Variants in PALLD observed in about 807,000 individuals in gnomAD.
PALLD encodes the protein palladin.
A neutral mutation model predicts 123.5 loss-of-function variants in PALLD; 61 were observed. That is an observed-to-expected ratio of 0.49 (90% CI 0.40 to 0.61). PALLD has a LOEUF of 0.61. Among genes scored for constraint, PALLD ranks in the 20% least tolerant of loss-of-function variants. The pLI is 0.00. For missense variants in PALLD, 1,273 were observed against 1,377.0 expected, an observed-to-expected ratio of 0.92 and a Z score of 1.20; for synonymous variants, 465 against 496.4, an observed-to-expected ratio of 0.94 and a Z score of 0.84.
chr4:168,877,826 C>CCCTTCCCGCCGCCGCCCG (rs1163850262), intron 10 of PALLD: 24 of 1,304,426 alleles, frequency 1.8e-5, no homozygotes, highest in African/African-American at 4.6e-5. Context: ...GCCCTCGCCC[C>CCCTTCCCGCCGCCGCCCG]CCTTCCCGCC....
rs370407616 is a variant in PALLD at position 168,660,246 on chromosome 4, C to T, written c.909-7944C>T. ...GGAAGTGACTGGTGGTTTTCAAGGA[C>T]AGCCATTTGGTCTGAAGCAGCTGCA... On this transcript the variant is annotated intron_variant, in intron 2 of 21. Transcript: ENST00000505667. Among the ~76,000 whole-genome samples, 21 of 152,234 alleles carry T rather than the reference C, an allele frequency of 1.4e-4. No homozygotes were observed. In the East Asian group the frequency reaches 2.9e-3, roughly 21 times the overall value.
chr4:168,911,346 T>A (rs1758907232), intron 15 of PALLD, among the ~76,000 whole-genome samples: 2 of 152,204 alleles, frequency 1.3e-5, no homozygotes, highest in Admixed American at 1.3e-4. Context: ...AATGATTAGT[T>A]CATTTTAACT....
At position 168,683,043 on chromosome 4, in the gene PALLD, A is replaced by G; in HGVS notation, c.1200A>G (p.Ser400=). 7 of 1,613,200 alleles carry G rather than the reference A, an allele frequency of 4.3e-6. No individual in the cohort carries two copies. The highest frequency in any genetic ancestry group is 5.9e-6 in the Non-Finnish European group (7 of 1,179,192). ...CTGTTTCCTTGACAATAGGATCATC[A>G]TCTCCAAAGACAGGGGTGACCACAG... ...TTSVSLTIGS[S]SPKTGVTTAV... Residue 400 remains serine (S), a synonymous_variant, in exon 5 of 22, where the codon TCA becomes TCG. Transcript: ENST00000505667.
chr4:168,900,008 C>T (rs1312123486), intron 14 of PALLD, among the ~76,000 whole-genome samples: 1 of 152,142 alleles, frequency 6.6e-6, no homozygotes, highest in South Asian at 2.1e-4. Flanking sequence ...TCTCCTGGTG[C>T]GGCCTCAGGA....
rs886059218 is a variant in PALLD, at chr4:168,928,335, AAG to A, written c.*2156_*2157del. 2 of 176,966 alleles carry A rather than the reference AAG, an allele frequency of 1.1e-5. No homozygotes were observed. Among genetic ancestry groups the A allele is most frequent in the African/African-American group, 5.2e-5 (2 of 38,536 alleles). 11.0% of individuals were successfully genotyped at this position (176,966 alleles called of 1,614,324 possible). A position where few individuals can be genotyped will look rare whatever the true frequency, so the allele number is the denominator to read the frequency against. On this transcript the variant is annotated 3_prime_UTR_variant, in exon 22 of 22. Transcript: ENST00000505667. ...CTTTATATTGTATTTATAAAAAAAA[AAG>A]TACTATCAATCAATCATACTACTTT...
At chr4:168,616,766 A>G (rs1369440289) in intron 2 of PALLD, among the ~76,000 whole-genome samples, 1 of 152,198 alleles carries the variant, frequency 6.6e-6, no homozygotes, top group Non-Finnish European at 1.5e-5. Context: ...ATTTTTAACA[A>G]GCTTCCCAGG....
chr4:168,580,812 C>A (rs574939476), intron 2 of PALLD, among the ~76,000 whole-genome samples: 8 of 152,030 alleles, frequency 5.3e-5, no homozygotes, highest in Admixed American at 4.6e-4. Flanking sequence ...GAGATCAAGT[C>A]CTTTGCAGGA....
intron 10 of PALLD, chr4:168,755,950 G>T (rs911060416): frequency 1.2e-5 from 2 of 166,560 alleles, no homozygotes; most frequent in Non-Finnish European, 1.3e-5. Context: ...TAGAACTCGG[G>T]CTCCTTGGAA....
At chr4:168,899,961 G>A (rs865858564) in intron 14 of PALLD, among the ~76,000 whole-genome samples, 32 of 152,068 alleles carry the variant, frequency 2.1e-4, no homozygotes, top group African/African-American at 7.7e-4. Flanking sequence ...CTGGCTCACA[G>A]TTCTGCATGG....
intron 2 of PALLD, among the ~76,000 whole-genome samples, chr4:168,642,217 A>C (rs1381518209): frequency 6.6e-6 from 1 of 152,114 alleles, no homozygotes; most frequent in African/African-American, 2.4e-5. Context: ...GTGTTTTATC[A>C]AGGAACAAGT....
intron 2 of PALLD, among the ~76,000 whole-genome samples, chr4:168,637,323 G>A (rs1161355224): frequency 6.6e-6 from 1 of 152,060 alleles, no homozygotes; most frequent in African/African-American, 2.4e-5. Context: ...TGGTGTACCA[G>A]TTAGTGTCTA....
chr4:168,847,953 C>CT (rs1335295410), intron 10 of PALLD, among the ~76,000 whole-genome samples: 1 of 152,192 alleles, frequency 6.6e-6, no homozygotes, highest in African/African-American at 2.4e-5. Context: ...TTCTGACACT[C>CT]TATTTCCCAA....
At chr4:168,561,346 C>G (rs1299493568) in intron 2 of PALLD, among the ~76,000 whole-genome samples, 1 of 152,140 alleles carries the variant, frequency 6.6e-6, no homozygotes, top group Admixed American at 6.5e-5. Flanking sequence ...ACTGTAGCCT[C>G]CACGTTCTAG....
intron 2 of PALLD, among the ~76,000 whole-genome samples, chr4:168,535,632 G>A (rs1765020097): frequency 2.0e-5 from 3 of 152,196 alleles, no homozygotes; most frequent in South Asian, 4.1e-4. Flanking sequence ...TATCACAATG[G>A]ATGGAAAGTG....
chr4:168,715,634 C>T (rs1294973154), intron 10 of PALLD, among the ~76,000 whole-genome samples: 2 of 152,138 alleles, frequency 1.3e-5, no homozygotes, highest in African/African-American at 4.8e-5. Flanking sequence ...AAAATCTCTG[C>T]TTCTCTTTAT....
chr4:168,770,935 T>C (rs1157162139), intron 10 of PALLD, among the ~76,000 whole-genome samples: 2 of 151,998 alleles, frequency 1.3e-5, no homozygotes, highest in African/African-American at 2.4e-5. Flanking sequence ...GAGCGGGCAC[T>C]TGTAGTCCCA....
At chr4:168,795,500 G>C (rs75691905) in intron 10 of PALLD, among the ~76,000 whole-genome samples, 1,864 of 152,170 alleles carry the variant, frequency 0.012, 19 homozygotes, top group African/African-American at 0.034. Flanking sequence ...AGCATCTGAG[G>C]TTTTCCAGTT....
In PALLD at chr4:168,892,241, A is replaced by C. The variant is rs755443701; in HGVS notation, c.2100+1184A>C. On this transcript the variant is annotated intron_variant, in intron 11 of 21. Coordinates refer to ENST00000505667, the MANE Select transcript of PALLD (RefSeq NM_001166108.2). Reference sequence around the variant, plus strand: ...TAAGACTTACCAGGTAAAGGAGAGGAACCTTCTGTAGCTTTATTAAGGAAT... The same window carrying C: ...TAAGACTTACCAGGTAAAGGAGAGGCACCTTCTGTAGCTTTATTAAGGAAT... Among the ~76,000 whole-genome samples, 11 of 152,322 alleles carry C rather than the reference A, an allele frequency of 7.2e-5. No homozygotes were observed. In the South Asian group the frequency reaches 8.3e-4, roughly 11 times the overall value.
chr4:168,832,281 G>T (rs770977549), intron 10 of PALLD: 5 of 757,844 alleles, frequency 6.6e-6, no homozygotes, highest in Non-Finnish European at 8.0e-6. Context: ...GGGACAGGGT[G>T]GGGGCGGGGA....
Sources: allele counts gnomAD v4.1 joint callset (sites outside exome capture counted in the v4.1 genomes callset), GRCh38; gene constraint gnomAD v4.1.1; transcripts MANE v1.5; gene names NCBI Gene and HGNC (gene_info 2026-07-23, HGNC 2026-07-21).